The following COL11A1 variants were observed in gnomAD, a reference collection of about 807,000 sequenced individuals.
COL11A1 encodes the protein collagen type XI alpha 1 chain, also known as collagen alpha-1(XI) chain.
COL11A1 carries 74 observed loss-of-function variants against 265.2 expected under a neutral mutation model. That is an observed-to-expected ratio of 0.28 (90% confidence interval 0.23 to 0.34). The LOEUF (loss-of-function observed/expected upper bound fraction) is 0.34. Among genes scored for constraint, COL11A1 ranks in the 10% least tolerant of loss-of-function variants. The pLI is 1.00. For missense variants in COL11A1, 2,165 were observed against 2,263.6 expected, an observed-to-expected ratio of 0.96 and a Z score of 0.88; for synonymous variants, 816 against 727.6, an observed-to-expected ratio of 1.12 and a Z score of -1.96.
chr1:102,942,351 C>A (rs1371020597), intron 42 of COL11A1, among the ~76,000 whole-genome samples: 1 of 152,138 alleles, frequency 6.6e-6, no homozygotes, highest in Admixed American at 6.5e-5. Context: ...AATCACTTGC[C>A]ATTCATTTCT....
intron 46 of COL11A1, among the ~76,000 whole-genome samples, chr1:102,924,723 T>A (rs551766673): frequency 6.6e-6 from 1 of 152,152 alleles, no homozygotes; most frequent in African/African-American, 2.4e-5. Flanking sequence ...AAAAGTTTAA[T>A]CTTAGAAAAA....
At chr1:103,051,114 ACT>A (rs567615767) in intron 4 of COL11A1, among the ~76,000 whole-genome samples, 286 of 152,088 alleles carry the variant, frequency 1.9e-3, no homozygotes, top group South Asian at 4.2e-3. Flanking sequence ...GTGAACCATT[ACT>A]CTCTTCAAAG....
chr1:103,003,853 A>G (rs1052872208), intron 20 of COL11A1, among the ~76,000 whole-genome samples: 5 of 152,070 alleles, frequency 3.3e-5, no homozygotes, highest in Non-Finnish European at 7.4e-5. Context: ...TCTTTAGAAA[A>G]GCCAATAAAA....
intron 5 of COL11A1, among the ~76,000 whole-genome samples, chr1:103,028,891 T>A (rs35384282): frequency 0.037 from 5,604 of 152,216 alleles, 124 homozygotes; most frequent in Middle Eastern, 0.083. Flanking sequence ...AACATCTAAT[T>A]TTTTATAAGA....
chr1:103,049,337 C>T (rs1669588569), intron 4 of COL11A1, among the ~76,000 whole-genome samples: 1 of 152,050 alleles, frequency 6.6e-6, no homozygotes, highest in South Asian at 2.1e-4. Flanking sequence ...TGAATTGATC[C>T]CTTTACCATT....
chr1:103,004,502 A>G lies in COL11A1; in HGVS notation c.1900-14T>C, dbSNP rs1398036838. ...TCCATCTTCTCCCTGTCATTGACAA[A>G]ATGAATGAGAGTATAGAACATTTGG... On this transcript the variant is annotated splice_polypyrimidine_tract_variant and intron_variant, in intron 19 of 66. Coordinates refer to ENST00000370096, the MANE Select transcript of COL11A1 (RefSeq NM_001854.4). The G allele has an allele frequency of 6.2e-7, 1 of 1,610,568 alleles. No homozygotes were observed. Among genetic ancestry groups the G allele is most frequent in the East Asian group, 2.2e-5 (1 of 44,786 alleles).
intron 54 of COL11A1, among the ~76,000 whole-genome samples, chr1:102,900,344 T>C (rs943682830): frequency 1.3e-5 from 2 of 152,142 alleles, no homozygotes; most frequent in Non-Finnish European, 2.9e-5. Context: ...TGTTGAGCCA[T>C]GAATTTCAAA....
rs1322123798 is a variant in COL11A1, at chr1:103,078,704, G to C, written c.442C>G (p.Pro148Ala). 3.1e-6 allele frequency: 5 copies of C among 1,613,204 alleles called. No individual in the cohort carries two copies. Among genetic ancestry groups the C allele is most frequent in the Non-Finnish European group, 4.2e-6 (5 of 1,179,612 alleles). The stretch of plus-strand genomic sequence containing the variant: ...GTTCTGAAGAGGGGATAGTCTTCTG[G>C]GGCAGGTTTTCCAGTGTGGTCTTCA... The part of the protein sequence containing the change: ...LFEDHTGKPA[P>A]EDYPLFRTVN... The change falls in exon 3 of 67, where the codon CCA (proline) becomes GCA (alanine). Residue 148 changes from proline to alanine, a missense_variant. Transcript: ENST00000370096.
intron 54 of COL11A1, among the ~76,000 whole-genome samples, chr1:102,905,035 A>G (rs898323006): frequency 2.6e-5 from 4 of 151,998 alleles, no homozygotes; most frequent in African/African-American, 9.7e-5. Flanking sequence ...ATGGAATACT[A>G]TGCAGCCATA....
chr1:102,940,107 A>C (rs1272163984), intron 43 of COL11A1, among the ~76,000 whole-genome samples: 1 of 152,134 alleles, frequency 6.6e-6, no homozygotes, highest in Non-Finnish European at 1.5e-5. Flanking sequence ...CTGTTCTTTT[A>C]ATTGAGTTTT....
At chr1:103,003,410 C>T in intron 20 of COL11A1, 142 bp from the exon 21 acceptor site, 1 of 902,496 alleles carries the variant, frequency 1.1e-6, no homozygotes, top group Non-Finnish European at 1.7e-6. Context: ...AAGTGATGTC[C>T]ATAACATAAA....
intron 1 of COL11A1, among the ~76,000 whole-genome samples, chr1:103,103,970 T>C (rs1430296469): frequency 6.6e-6 from 1 of 152,056 alleles, no homozygotes; most frequent in African/African-American, 2.4e-5. Context: ...AGATCTTCAC[T>C]CTACTCAGAA....
rs1295841507 is a variant in COL11A1, at chr1:103,061,454, A to G, written c.651+13164T>C. 3.3e-5 allele frequency among the ~76,000 whole-genome samples: 5 copies of G among 152,204 alleles called. No homozygotes were observed. In the East Asian group the frequency reaches 9.6e-4, roughly 29 times the overall value. ...ATAACAGCAGATTACTTATCGTTCT[A>G]AAGTTCACATGGACATTCCTCAAGA... On this transcript the variant is annotated intron_variant, in intron 4 of 66. Coordinates refer to ENST00000370096, the MANE Select transcript of COL11A1 (RefSeq NM_001854.4).
chr1:103,006,744 G>A (rs1365684766), intron 15 of COL11A1, among the ~76,000 whole-genome samples: 1 of 151,742 alleles, frequency 6.6e-6, no homozygotes, highest in Non-Finnish European at 1.5e-5. Context: ...TCACCAGCAT[G>A]GTCTCGGTCT....
chr1:103,025,416 A>G (rs1174474198), intron 7 of COL11A1, 105 bp downstream of exon 7: 1 of 829,616 alleles, frequency 1.2e-6, no homozygotes, highest in East Asian at 2.6e-5. Context: ...GAATAAAAAC[A>G]TCAGATGTTT....
chr1:102,899,037 A>C (rs760661393), intron 54 of COL11A1, 43 bp from the exon 55 acceptor site: 1 of 1,165,526 alleles, frequency 8.6e-7, no homozygotes, highest in Non-Finnish European at 1.2e-6. Flanking sequence ...TCACATATAA[A>C]AGTAATGTTA....
At chr1:102,962,011 G>A (rs767278402) in intron 40 of COL11A1, 92 bp from the exon 41 acceptor site, 1 of 1,226,106 alleles carries the variant, frequency 8.2e-7, no homozygotes, top group Admixed American at 1.9e-5. Context: ...AGGATGTCAG[G>A]TAATGTTTAT....
rs1473977256 is a variant in COL11A1, at chr1:102,877,820, C to A, written c.*199G>T. On this transcript the variant is annotated 3_prime_UTR_variant, in exon 67 of 67. Transcript: ENST00000370096. ...AGCCCTGTTTCCATCTTAGCCACAC[C>A]AACTTATATCTTTATGATTTTCAAA... is the stretch of plus-strand genomic sequence containing the variant. The A allele has an allele frequency of 1.1e-5, 6 of 527,556 alleles. No individual in the cohort carries two copies. The highest frequency in any genetic ancestry group is 2.0e-5 in the Non-Finnish European group (6 of 294,866). 32.7% of individuals were successfully genotyped at this position (527,556 alleles called of 1,614,324 possible).
intron 4 of COL11A1, among the ~76,000 whole-genome samples, chr1:103,070,306 A>G (rs1337965435): frequency 6.6e-6 from 1 of 151,250 alleles, no homozygotes; most frequent in Non-Finnish European, 1.5e-5. Context: ...ATTGTATGTA[A>G]TATAAATAAG....
Sources: allele counts gnomAD v4.1 joint callset (sites outside exome capture counted in the v4.1 genomes callset), GRCh38; gene constraint gnomAD v4.1.1; transcripts MANE v1.5; gene names NCBI Gene and HGNC (gene_info 2026-07-23, HGNC 2026-07-21).